MRPL45: variants seen among roughly 807,000 people sequenced by gnomAD.
MRPL45 encodes mitochondrial ribosomal protein L45, also known as large ribosomal subunit protein mL45.
MRPL45 carries 20 observed loss-of-function variants against 38.1 expected under a neutral mutation model. That is an observed-to-expected ratio of 0.53 (90% CI 0.37 to 0.76). The LOEUF (loss-of-function observed/expected upper bound fraction) is 0.76. Among genes scored for constraint, MRPL45 ranks in the 30% least tolerant of loss-of-function variants. The pLI is 0.00. For synonymous variants in MRPL45, 105 were observed against 128.8 expected, an observed-to-expected ratio of 0.82 and a Z score of 1.25; for missense variants, 337 against 395.6, an observed-to-expected ratio of 0.85 and a Z score of 1.26.
At position 38,322,114 on chromosome 17, in the gene MRPL45, T is replaced by C. The variant is rs1173962856; in HGVS notation, c.661-12T>C. 6 of 1,611,540 alleles carry C rather than the reference T, an allele frequency of 3.7e-6. No individual in the cohort carries two copies. The highest frequency in any genetic ancestry group is 5.1e-6 in the Non-Finnish European group (6 of 1,178,076). ...AAAAACTAAGAGGCCAGATTTGCTTTTATCCTTGCAGACTCTGGCCATCTA... is the reference window on the plus strand; with the variant it reads ...AAAAACTAAGAGGCCAGATTTGCTTCTATCCTTGCAGACTCTGGCCATCTA... On this transcript the variant is annotated splice_polypyrimidine_tract_variant and intron_variant, in intron 6 of 7. Coordinates refer to ENST00000613675, the MANE Select transcript of MRPL45 (RefSeq NM_032351.6).
intron 6 of MRPL45, among the ~76,000 whole-genome samples, chr17:38,321,507 A>G (rs565015776): frequency 6.6e-5 from 10 of 151,690 alleles, no homozygotes; most frequent in Middle Eastern, 3.4e-3. Context: ...CCTGGCCAAC[A>G]TGGCAAAACA....
chr17:38,317,368 C>T (rs1013923802), intron 4 of MRPL45, among the ~76,000 whole-genome samples: 1 of 152,120 alleles, frequency 6.6e-6, no homozygotes, highest in Non-Finnish European at 1.5e-5. Flanking sequence ...TAGAACTAAT[C>T]CCTTACCCAT....
At chr17:38,301,713 C>T (rs945168559) in intron 3 of MRPL45, among the ~76,000 whole-genome samples, 18 of 152,160 alleles carry the variant, frequency 1.2e-4, no homozygotes, top group African/African-American at 3.1e-4. Flanking sequence ...AAAGCACATA[C>T]GGTTTTACCA....
intron 5 of MRPL45, 43 bp downstream of exon 5, chr17:38,318,778 G>A (rs1368665013): frequency 7.4e-7 from 1 of 1,359,230 alleles, no homozygotes; most frequent in South Asian, 1.2e-5. Context: ...GACTGAGTGG[G>A]CAGATTCTAG....
intron 4 of MRPL45, among the ~76,000 whole-genome samples, chr17:38,318,286 A>G (rs2037194968): frequency 6.6e-6 from 1 of 151,522 alleles, no homozygotes; most frequent in South Asian, 2.1e-4. Flanking sequence ...AGGAGATAAA[A>G]CAAGCTTTTG....
chr17:38,313,989 G>A (rs1214205408), intron 4 of MRPL45, among the ~76,000 whole-genome samples: 4 of 152,092 alleles, frequency 2.6e-5, no homozygotes, highest in East Asian at 1.9e-4. Context: ...TAAATTAGGC[G>A]GTTATTTTGT....
At chr17:38,300,442 G>A (rs1332524393) in intron 3 of MRPL45, among the ~76,000 whole-genome samples, 6 of 152,040 alleles carry the variant, frequency 3.9e-5, no homozygotes, top group East Asian at 1.9e-4. Flanking sequence ...GGGATTACAG[G>A]TGTGACCCGT....
At chr17:38,303,404 T>G (rs1431354457) in intron 3 of MRPL45, among the ~76,000 whole-genome samples, 1 of 150,442 alleles carries the variant, frequency 6.6e-6, no homozygotes, top group African/African-American at 2.5e-5. Context: ...TTCAAGCAAT[T>G]CTTCTGTGTT....
rs369238181 is a variant in MRPL45, at chr17:38,318,656, A to C, written c.462-31A>C. On this transcript the variant is annotated intron_variant, in intron 4 of 7. Coordinates refer to ENST00000613675, the MANE Select transcript of MRPL45 (RefSeq NM_032351.6). ...TCATACAGGGTATTATAAGAGCAAT[A>C]GTCAATGATATTTATTGCTTTCTTT... The C allele has an allele frequency of 3.9e-6, 6 of 1,522,920 alleles. No homozygotes were observed. The African/African-American group carries it at 5.5e-5, about 14-fold the overall frequency. The allele number at this position is 1,522,920 out of a possible 1,614,324, so 94.3% of individuals were successfully genotyped here. A position where few individuals can be genotyped will look rare whatever the true frequency, so the allele number is the denominator to read the frequency against.
intron 3 of MRPL45, among the ~76,000 whole-genome samples, chr17:38,303,585 C>T (rs564042264): frequency 2.4e-4 from 37 of 152,224 alleles, no homozygotes; most frequent in Non-Finnish European, 4.6e-4. Context: ...TGAGCCACCA[C>T]GCCCTGCAAC....
chr17:38,309,436 C>T (rs1454961044), intron 4 of MRPL45, among the ~76,000 whole-genome samples: 16 of 150,864 alleles, frequency 1.1e-4, no homozygotes, highest in Admixed American at 8.6e-4. Flanking sequence ...GCAGGAGAAT[C>T]GCTTGAACCC....
At chr17:38,313,867 T>A (rs2037149622) in intron 4 of MRPL45, among the ~76,000 whole-genome samples, 1 of 151,924 alleles carries the variant, frequency 6.6e-6, no homozygotes. Flanking sequence ...TTCACCATGT[T>A]GGCCAGGCTG....
At chr17:38,316,402 T>G (rs1439330080) in intron 4 of MRPL45, among the ~76,000 whole-genome samples, 1 of 152,192 alleles carries the variant, frequency 6.6e-6, no homozygotes, top group Non-Finnish European at 1.5e-5. Flanking sequence ...TTTTCTGATT[T>G]CATTACTTCT....
rs1391775827 is a variant in MRPL45, at chr17:38,301,973, C to T, written c.362+2505C>T. 2.0e-5 allele frequency among the ~76,000 whole-genome samples: 3 copies of T among 151,802 alleles called. No individual in the cohort carries two copies. The Admixed American group carries it at 2.0e-4, about 10-fold the overall frequency. ...TCTACTAAAAATACAAAAAATTAGC[C>T]AGGTGCGGTGGTGGGCGCCTGTAGT... is the stretch of plus-strand genomic sequence containing the variant. On this transcript the variant is annotated intron_variant, in intron 3 of 7. Transcript: ENST00000613675.
In MRPL45 at chr17:38,306,420, A is replaced by G. The variant is rs1170083971; in HGVS notation, c.363-113A>G. On this transcript the variant is annotated intron_variant, in intron 3 of 7. Coordinates refer to ENST00000613675, the MANE Select transcript of MRPL45 (RefSeq NM_032351.6). ...CGAGACTCAAAAAAAGAAAAAAAAA[A>G]AAAAGCTAAACAGTTATTGAGTAAG... is the stretch of plus-strand genomic sequence containing the variant. 4 of 1,372,332 alleles carry G rather than the reference A, an allele frequency of 2.9e-6. No individual in the cohort carries two copies. In the African/African-American group the frequency reaches 4.5e-5, roughly 15 times the overall value. The allele number at this position is 1,372,332 out of a possible 1,614,324, so 85.0% of individuals were successfully genotyped here.
At chr17:38,317,528 T>C (rs1005746291) in intron 4 of MRPL45, among the ~76,000 whole-genome samples, 4 of 152,106 alleles carry the variant, frequency 2.6e-5, no homozygotes, top group African/African-American at 9.7e-5. Context: ...AAATCTTGTA[T>C]CTATAGGAGC....
intron 4 of MRPL45, among the ~76,000 whole-genome samples, chr17:38,317,728 C>T (rs1274233291): frequency 6.6e-6 from 1 of 151,896 alleles, no homozygotes; most frequent in Admixed American, 6.6e-5. Flanking sequence ...CCTGCTACTA[C>T]TCTCGGCTAA....
At chr17:38,314,893 T>C (rs2037158835) in intron 4 of MRPL45, among the ~76,000 whole-genome samples, 1 of 152,216 alleles carries the variant, frequency 6.6e-6, no homozygotes, top group Non-Finnish European at 1.5e-5. Context: ...TCAACCTAGT[T>C]TGAATAATAT....
chr17:38,313,333 C>CACGTATATATATATATATATATACGT (rs2037139472), intron 4 of MRPL45, among the ~76,000 whole-genome samples: 1 of 17,254 alleles, frequency 5.8e-5, no homozygotes, highest in Non-Finnish European at 1.1e-4. Flanking sequence ...TATATATATA[C>CACGTATATATATATATATATATACGT]ATATATATAT....
Sources: allele counts gnomAD v4.1 joint callset (sites outside exome capture counted in the v4.1 genomes callset), GRCh38; gene constraint gnomAD v4.1.1; transcripts MANE v1.5; gene names NCBI Gene and HGNC (gene_info 2026-07-23, HGNC 2026-07-21).